The following SRPK1 variants were observed in gnomAD, a reference collection of about 807,000 sequenced individuals.
SRPK1 encodes the protein SRSF protein kinase 1, also known as SFRS protein kinase 1.
A neutral mutation model predicts 89.5 loss-of-function variants in SRPK1; 52 were observed. The observed-to-expected ratio is 0.58, with a 90% CI of 0.46 to 0.73. The LOEUF is 0.73. SRPK1 is among the 30% of genes least tolerant of loss of function. The pLI is 0.00. For missense variants in SRPK1, 603 were observed against 780.6 expected (o/e 0.77, Z 2.71); for synonymous variants, 255 against 270.2 (o/e 0.94, Z 0.55).
At chr6:35,855,448 A>T (rs1769646442) in intron 13 of SRPK1, among the ~76,000 whole-genome samples, 1 of 152,222 alleles carries the variant, frequency 6.6e-6, no homozygotes, top group South Asian at 2.1e-4. Context: ...CTATGACTTA[A>T]AACAGGTTGG....
intron 6 of SRPK1, among the ~76,000 whole-genome samples, chr6:35,881,853 G>A (rs1057282807): frequency 6.6e-6 from 1 of 152,090 alleles, no homozygotes; most frequent in Middle Eastern, 3.4e-3. Context: ...CAAGCAGACA[G>A]AAGATAAGCA....
chr6:35,900,708 GTGT>G (rs1012200897), intron 2 of SRPK1, among the ~76,000 whole-genome samples: 6 of 152,320 alleles, frequency 3.9e-5, no homozygotes, highest in Admixed American at 3.3e-4. Flanking sequence ...ATTTTAAATA[GTGT>G]TGTGACATTT....
At chr6:35,894,739 A>AT (rs568908993) in intron 2 of SRPK1, among the ~76,000 whole-genome samples, 80 of 150,366 alleles carry the variant, frequency 5.3e-4, no homozygotes, top group Admixed American at 2.5e-3. Flanking sequence ...AATTCTGAGG[A>AT]TTTTTTTTTT....
intron 15 of SRPK1, among the ~76,000 whole-genome samples, chr6:35,837,624 TGGC>T (rs1769209065): frequency 6.6e-6 from 1 of 151,862 alleles, no homozygotes; most frequent in African/African-American, 2.4e-5. Flanking sequence ...GTGGCAATCA[TGGC>T]TCACTGCAGC....
intron 2 of SRPK1, among the ~76,000 whole-genome samples, chr6:35,900,033 A>T (rs1770709720): frequency 6.6e-6 from 1 of 151,604 alleles, no homozygotes; most frequent in South Asian, 2.1e-4. Flanking sequence ...AAAAATAAAA[A>T]AAAATAAAAA....
At chr6:35,875,581 C>G (rs1387392450) in intron 6 of SRPK1, among the ~76,000 whole-genome samples, 2 of 152,096 alleles carry the variant, frequency 1.3e-5, no homozygotes. Context: ...CCACACTGAT[C>G]TGAAAGTAAG....
intron 2 of SRPK1, among the ~76,000 whole-genome samples, chr6:35,900,770 C>A (rs1308124902): frequency 6.6e-6 from 1 of 152,068 alleles, no homozygotes; most frequent in African/African-American, 2.4e-5. Flanking sequence ...TGATTCAAAA[C>A]GGTGGTTTCA....
At chr6:35,861,628 G>T (rs1769783909) in intron 12 of SRPK1, among the ~76,000 whole-genome samples, 1 of 152,214 alleles carries the variant, frequency 6.6e-6, no homozygotes, top group South Asian at 2.1e-4. Context: ...GCCTAAGAGG[G>T]ACCCTCCCCG....
At chr6:35,881,334 TTTTG>T (rs1770283536) in intron 6 of SRPK1, among the ~76,000 whole-genome samples, 1 of 152,200 alleles carries the variant, frequency 6.6e-6, no homozygotes, top group African/African-American at 2.4e-5. Context: ...TAACTCCTCT[TTTTG>T]TTTTCTACAT....
At chr6:35,861,689 G>A (rs927574104) in intron 12 of SRPK1, among the ~76,000 whole-genome samples, 22 of 152,210 alleles carry the variant, frequency 1.4e-4, no homozygotes, top group Non-Finnish European at 2.6e-4. Context: ...GCTAGGTTGC[G>A]CCTTGCCCTT....
chr6:35,875,088 C>T (rs1294734156), intron 6 of SRPK1, among the ~76,000 whole-genome samples: 1 of 152,138 alleles, frequency 6.6e-6, no homozygotes, highest in Non-Finnish European at 1.5e-5. Flanking sequence ...CTTTAACATT[C>T]TCCATTAAAG....
chr6:35,858,794 A>C (rs766590582), intron 12 of SRPK1, among the ~76,000 whole-genome samples: 11 of 152,340 alleles, frequency 7.2e-5, no homozygotes, highest in Admixed American at 1.3e-4. Context: ...AGAGAAAACA[A>C]TAAATCTCCA....
chr6:35,871,480 G>A (rs1400233633), intron 8 of SRPK1, among the ~76,000 whole-genome samples: 1 of 152,156 alleles, frequency 6.6e-6, no homozygotes, highest in Non-Finnish European at 1.5e-5. Flanking sequence ...TTATACTCTA[G>A]ATAAGTGTAC....
chr6:35,835,751 T>G (rs1769165045), intron 15 of SRPK1, among the ~76,000 whole-genome samples: 2 of 152,114 alleles, frequency 1.3e-5, no homozygotes, highest in Non-Finnish European at 2.9e-5. Context: ...TCAAACTGGG[T>G]GTGACAATCA....
At position 35,869,743 on chromosome 6, in the gene SRPK1, T is replaced by C. The variant is rs1015463885; in HGVS notation, c.1150A>G (p.Asn384Asp). The change falls in exon 11 of 16, where the codon AAT becomes GAT. Residue 384 changes from asparagine to aspartate, a missense_variant. Transcript: ENST00000373825. ...TTCAAATTTTGGACATCACAGTCAT[T>C]AGCATTATGTAGATCCTCTTTATGT... The part of the protein sequence containing the change: ...LRHKEDLHNA[N>D]DCDVQNLNQE... 3 of 1,613,930 alleles carry C rather than the reference T, an allele frequency of 1.9e-6. No individual in the cohort carries two copies. The highest frequency in any genetic ancestry group is 1.7e-5 in the Admixed American group (1 of 60,014).
At chr6:35,879,735 C>A (rs1356129031) in intron 6 of SRPK1, among the ~76,000 whole-genome samples, 1 of 152,114 alleles carries the variant, frequency 6.6e-6, no homozygotes. Flanking sequence ...CTGAAAAAGA[C>A]TTGATGCAGA....
Position 35,888,007 on chromosome 6 carries a change from T to C in SRPK1, c.390+17A>G. 6.5e-7 allele frequency: 1 copy of C among 1,550,166 alleles called. No homozygotes were observed. Among genetic ancestry groups the C allele is most frequent in the Non-Finnish European group, 8.8e-7 (1 of 1,142,368 alleles). Reference sequence around the variant, plus strand: ...ATTTATAATTCTTCACATTCATACATATAATCTAATACTCACTGACTTCAG... The same window carrying C: ...ATTTATAATTCTTCACATTCATACACATAATCTAATACTCACTGACTTCAG... On this transcript the variant is annotated intron_variant, in intron 5 of 15. Transcript: ENST00000373825.
chr6:35,918,839 A>G (rs1486094079), intron 2 of SRPK1, among the ~76,000 whole-genome samples: 3 of 152,262 alleles, frequency 2.0e-5, no homozygotes, highest in Non-Finnish European at 4.4e-5. Context: ...TGCTTAAAGT[A>G]TATCATCTAT....
chr6:35,871,177 A>C (rs1194341706), intron 8 of SRPK1, among the ~76,000 whole-genome samples: 1 of 152,224 alleles, frequency 6.6e-6, no homozygotes, highest in Admixed American at 6.5e-5. Flanking sequence ...AAAAGGGATA[A>C]ATAAAATTCT....
Sources: gnomAD v4.1 joint callset for allele counts (sites outside exome capture counted in the v4.1 genomes callset) on GRCh38, gnomAD v4.1.1 for gene constraint, MANE v1.5 for transcripts, NCBI Gene and HGNC (gene_info 2026-07-23, HGNC 2026-07-21) for gene names.